Variants in MCCC1 observed in about 807,000 individuals in gnomAD.
MCCC1 encodes the protein methylcrotonoyl-CoA carboxylase subunit alpha, mitochondrial.
In MCCC1, 64 loss-of-function variants were observed where a neutral mutation model predicts 83.8. That is an observed-to-expected ratio of 0.76 (90% CI 0.62 to 0.94). MCCC1 has a LOEUF of 0.94. MCCC1 is among the 40% of genes least tolerant of loss of function. The pLI, the probability that MCCC1 is intolerant of heterozygous loss-of-function variation, is 0.00. For synonymous variants in MCCC1, 322 were observed against 315.4 expected (o/e 1.02, Z -0.22); for missense variants, 807 against 904.7 (o/e 0.89, Z 1.39).
chr3:183,094,461 A>T, intron 2 of MCCC1, 98 bp downstream of exon 2: 3 of 1,150,978 alleles, frequency 2.6e-6, no homozygotes, highest in Non-Finnish European at 3.9e-6. Flanking sequence ...TATGATAACT[A>T]ATTCTATTAT....
chr3:183,114,958 T>C (rs1719565630), intron 1 of MCCC1, among the ~76,000 whole-genome samples: 1 of 152,164 alleles, frequency 6.6e-6, no homozygotes, highest in Admixed American at 6.5e-5. Context: ...TTGCCAGTTG[T>C]TATGGTAATG....
At chr3:183,099,602 G>A (rs1719017875), upstream of MCCC1, 2 of 796,412 alleles carry the variant, frequency 2.5e-6, no homozygotes, top group African/African-American at 1.7e-5. Flanking sequence ...GCGTCTCCAC[G>A]AACACCAATC....
rs551048842 is a variant in MCCC1, at chr3:183,105,424, C to T, written c.-102+10050G>A. 9.4e-4 allele frequency among the ~76,000 whole-genome samples: 143 copies of T among 152,196 alleles called. 1 individual carries two copies. Among genetic ancestry groups the T allele is most frequent in the African/African-American group, 3.2e-3 (133 of 41,540 alleles). On this transcript the variant is annotated intron_variant, in intron 1 of 17. Coordinates refer to the MCCC1 transcript ENST00000492597. ...AAAGAATGAGACAGAGCAATATGTA[C>T]TCATAAAACACACTGATGAGTGAAA...
In MCCC1 at chr3:183,094,619, C is replaced by T; in HGVS notation, c.90-14G>A. ...CACACCCATGTCCTATAACATAAAT[C>T]CAAAAGGAATTACAATTAAACAGAA... On this transcript the variant is annotated splice_polypyrimidine_tract_variant and intron_variant, in intron 1 of 18. Transcript: ENST00000265594. The T allele has an allele frequency of 6.2e-7, 1 of 1,612,898 alleles. No homozygotes were observed. Among genetic ancestry groups the T allele is most frequent in the African/African-American group, 1.3e-5 (1 of 75,018 alleles).
In MCCC1 at chr3:183,015,356, G is replaced by C; in HGVS notation, c.*82C>G. 5.5e-6 allele frequency: 8 copies of C among 1,464,696 alleles called. No individual in the cohort carries two copies. Among genetic ancestry groups the C allele is most frequent in the Non-Finnish European group, 7.7e-6 (8 of 1,045,042 alleles). 90.7% of individuals were successfully genotyped at this position (1,464,696 alleles called of 1,614,324 possible). On this transcript the variant is annotated 3_prime_UTR_variant, in exon 19 of 19. Coordinates refer to ENST00000265594, the MANE Select transcript of MCCC1 (RefSeq NM_020166.5). ...CATTTAGTAAAACTGCTCTTTATGA[G>C]ACCCCCAGAAAAGCTGGAGGCACTT...
chr3:183,081,217 C>G (rs1717469248), intron 4 of MCCC1, among the ~76,000 whole-genome samples: 1 of 152,234 alleles, frequency 6.6e-6, no homozygotes, highest in Admixed American at 6.5e-5. Flanking sequence ...AACAGCACCA[C>G]TACTATTACC....
At position 183,092,549 on chromosome 3, in the gene MCCC1, T is replaced by C; in HGVS notation, c.137-4A>G. The C allele has an allele frequency of 6.2e-7, 1 of 1,614,138 alleles. No homozygotes were observed. Among genetic ancestry groups the C allele is most frequent in the Non-Finnish European group, 8.5e-7 (1 of 1,180,010 alleles). On this transcript the variant is annotated splice_region_variant and splice_polypyrimidine_tract_variant and intron_variant, in intron 2 of 18. Coordinates refer to ENST00000265594, the MANE Select transcript of MCCC1 (RefSeq NM_020166.5). ...AGGACCTTGGTAATGTTTCTTCCTG[T>C]TTAAAACACCATGAAAATCACACAG...
intron 1 of MCCC1, among the ~76,000 whole-genome samples, chr3:183,114,423 C>T (rs776398315): frequency 1.3e-5 from 2 of 152,052 alleles, no homozygotes; most frequent in African/African-American, 2.4e-5. Context: ...CAAAGTGTGG[C>T]GTTTTTCTAA....
At chr3:183,036,649 CTT>C (rs1322797734) in intron 13 of MCCC1, among the ~76,000 whole-genome samples, 1 of 149,518 alleles carries the variant, frequency 6.7e-6, no homozygotes, top group Non-Finnish European at 1.5e-5. Context: ...AAGCGATTCT[CTT>C]GTCTCAGCCT....
intron 14 of MCCC1, among the ~76,000 whole-genome samples, chr3:183,027,146 C>T (rs1441999917): frequency 1.3e-5 from 2 of 152,122 alleles, no homozygotes; most frequent in African/African-American, 4.8e-5. Flanking sequence ...TTTTACGGTG[C>T]CTCAATCTGC....
intron 3 of MCCC1, 22 bp downstream of exon 3, chr3:183,092,387 G>C: frequency 6.2e-7 from 1 of 1,614,018 alleles, no homozygotes; most frequent in Non-Finnish European, 8.5e-7. Context: ...GTAAGACGTG[G>C]CTTCCAATTT....
rs1305949235 is a variant in MCCC1, at chr3:183,041,605, G to T, written c.1229C>A (p.Ala410Glu). 2 of 1,614,012 alleles carry T rather than the reference G, an allele frequency of 1.2e-6. No homozygotes were observed. The highest frequency in any genetic ancestry group is 2.7e-5 in the African/African-American group (2 of 74,926). ...GPLVHLSTPR[A>E]DPSTRIETGV... ...AGTTTCAATCCTGGTGGAAGGGTCTGCTCGAGGAGTAGAGAGGTGCACTAA... is the reference window on the plus strand; with the variant it reads ...AGTTTCAATCCTGGTGGAAGGGTCTTCTCGAGGAGTAGAGAGGTGCACTAA... The change falls in exon 11 of 19, where the codon GCA becomes GAA. Residue 410 changes from alanine to glutamate, a missense_variant. Transcript: ENST00000265594.
In MCCC1 at chr3:183,041,672, C is replaced by T; in HGVS notation, c.1162G>A (p.Ala388Thr). The change falls in exon 11 of 19, where the codon GCA becomes ACA. Residue 388 changes from alanine to threonine, a missense_variant. Coordinates refer to ENST00000265594, the MANE Select transcript of MCCC1 (RefSeq NM_020166.5). ...ATGAAGTTATTGCTAGGATCTTCTG[C>T]ATATATTCTAGCTTCGAAGGCATGG... is the stretch of plus-strand genomic sequence containing the variant. ...QGHAFEARIYAEDPSNNFMPV... is the reference protein window; with the variant it reads ...QGHAFEARIYTEDPSNNFMPV... 1 of 1,614,214 alleles carries T rather than the reference C, an allele frequency of 6.2e-7. No individual in the cohort carries two copies. The highest frequency in any genetic ancestry group is 8.5e-7 in the Non-Finnish European group (1 of 1,180,022).
At chr3:183,072,332 ATACAGT>A (rs1450705455) in intron 5 of MCCC1, 28 bp downstream of exon 5, 2 of 1,611,582 alleles carry the variant, frequency 1.2e-6, no homozygotes, top group South Asian at 2.2e-5. Flanking sequence ...ACTGACCTTC[ATACAGT>A]TATATTTTAA....
At chr3:183,054,553 G>A (rs1715271550) in intron 8 of MCCC1, among the ~76,000 whole-genome samples, 1 of 152,138 alleles carries the variant, frequency 6.6e-6, no homozygotes, top group Admixed American at 6.5e-5. Context: ...ATTAAAAAGA[G>A]TCAAAAGTGA....
chr3:183,099,738 C>G (rs901160327), upstream of MCCC1, among the ~76,000 whole-genome samples: 1 of 152,230 alleles, frequency 6.6e-6, no homozygotes, highest in Non-Finnish European at 1.5e-5. Flanking sequence ...TCTCCATCCT[C>G]CCCCTCTTGG....
intron 7 of MCCC1, among the ~76,000 whole-genome samples, chr3:183,069,555 C>CA (rs1003800462): frequency 8.6e-5 from 13 of 151,346 alleles, no homozygotes; most frequent in African/African-American, 3.2e-4. Context: ...GGGCCTGAAA[C>CA]AAAAAACAAT....
rs61109031 is a variant in MCCC1 at position 183,064,274 on chromosome 3, CT to C, written c.761+6724del. ...GATGGGACTGCTAGAAAAGATCCCC[CT>C]TTTTTTTTTAATTCCAAGTGATAAC... is the stretch of plus-strand genomic sequence containing the variant. On this transcript the variant is annotated intron_variant, in intron 7 of 18. Coordinates refer to ENST00000265594, the MANE Select transcript of MCCC1 (RefSeq NM_020166.5). The surrounding 1 kb of genome is among the most constrained non-coding windows in gnomAD (Gnocchi z 4.5). Among the ~76,000 whole-genome samples, 134,968 of 151,454 alleles carry C rather than the reference CT, an allele frequency of 0.89. 60,563 individuals carry two copies. Among genetic ancestry groups the C allele is most frequent in the East Asian group, 1 (5,119 of 5,124 alleles).
intron 18 of MCCC1, 90 bp downstream of exon 18, chr3:183,017,176 G>T: frequency 9.2e-7 from 1 of 1,085,120 alleles, no homozygotes; most frequent in Non-Finnish European, 1.4e-6. Context: ...CATATTTAAG[G>T]TGGTATTAAC....
Sources: allele counts gnomAD v4.1 joint callset (sites outside exome capture counted in the v4.1 genomes callset), GRCh38; gene constraint gnomAD v4.1.1; non-coding constraint Gnocchi (gnomAD v3.1); transcripts MANE v1.5; gene names NCBI Gene and HGNC (gene_info 2026-07-23, HGNC 2026-07-21).